DCLK2: variants seen among roughly 807,000 people sequenced by gnomAD.
DCLK2 encodes serine/threonine-protein kinase DCLK2.
In DCLK2, 31 loss-of-function variants were observed where a neutral mutation model predicts 78.4. The observed-to-expected ratio is 0.40, with a 90% CI of 0.30 to 0.53. DCLK2 has a LOEUF of 0.53. Ranked by LOEUF, DCLK2 falls within the 20% of genes least tolerant of loss-of-function variation. The probability of loss-of-function intolerance (pLI) is 0.61; values close to 1 mark genes in which losing one functional copy is unlikely to be tolerated. For missense variants in DCLK2, 872 were observed against 973.7 expected, an observed-to-expected ratio of 0.90 and a Z score of 1.39; for synonymous variants, 407 against 374.9, an observed-to-expected ratio of 1.09 and a Z score of -0.99.
At chr4:150,208,455 T>C (rs1054311227) in intron 5 of DCLK2, among the ~76,000 whole-genome samples, 4 of 152,074 alleles carry the variant, frequency 2.6e-5, no homozygotes, top group African/African-American at 9.7e-5. Flanking sequence ...GGAGTCTTGC[T>C]ATGTTGCCCA....
chr4:150,248,516 T>C (rs1429582189), intron 14 of DCLK2, 131 bp downstream of exon 14: 5 of 745,902 alleles, frequency 6.7e-6, no homozygotes, highest in Non-Finnish European at 1.1e-5. Context: ...TCTGTCCCAT[T>C]GAGCAAGTAG....
chr4:150,224,133 GA>G (rs1199465842), intron 7 of DCLK2, among the ~76,000 whole-genome samples: 3 of 152,072 alleles, frequency 2.0e-5, no homozygotes, highest in African/African-American at 7.2e-5. Context: ...ATTTATGAAA[GA>G]ATATTTAATT....
chr4:150,215,803 G>A (rs1740666296), intron 5 of DCLK2, among the ~76,000 whole-genome samples: 1 of 152,210 alleles, frequency 6.6e-6, no homozygotes, highest in South Asian at 2.1e-4. Context: ...TCTTTATAGA[G>A]CATTCCTGGC....
chr4:150,104,394 TAAAAAAA>T (rs34276664), intron 2 of DCLK2, among the ~76,000 whole-genome samples: 5 of 29,754 alleles, frequency 1.7e-4, no homozygotes, highest in African/African-American at 3.3e-4. Context: ...CCACATCTCC[TAAAAAAA>T]AAAAAAAAAA....
intron 8 of DCLK2, among the ~76,000 whole-genome samples, chr4:150,226,970 A>G (rs1741668052): frequency 1.3e-5 from 2 of 152,222 alleles, no homozygotes; most frequent in African/African-American, 4.8e-5. Context: ...TGAAAATAAT[A>G]TCTGCTATTT....
intron 10 of DCLK2, among the ~76,000 whole-genome samples, chr4:150,233,460 A>G (rs1742235106): frequency 6.6e-6 from 1 of 152,212 alleles, no homozygotes; most frequent in African/African-American, 2.4e-5. Flanking sequence ...TGAGCAGGAA[A>G]ATTATTTTAT....
intron 14 of DCLK2, 109 bp downstream of exon 14, chr4:150,248,494 G>A (rs1163817069): frequency 2.3e-6 from 2 of 876,906 alleles, no homozygotes; most frequent in African/African-American, 3.3e-5. Flanking sequence ...CAAGCTCCAT[G>A]GTAGATGTCT....
intron 3 of DCLK2, among the ~76,000 whole-genome samples, chr4:150,194,022 G>GACACACACACACACAC (rs58179559): frequency 5.5e-4 from 73 of 133,870 alleles, no homozygotes; most frequent in East Asian, 3.9e-3. Context: ...AAAGTGCTGG[G>GACACACACACACACAC]ACACACACAC....
At chr4:150,253,422 A>T in intron 15 of DCLK2, 1 of 1,289,532 alleles carries the variant, frequency 7.8e-7, no homozygotes, top group Non-Finnish European at 1.0e-6. Context: ...ATTGGTCCAT[A>T]AAGGTGAAAA....
At chr4:150,212,194 C>T (rs1740371909) in intron 5 of DCLK2, among the ~76,000 whole-genome samples, 1 of 152,132 alleles carries the variant, frequency 6.6e-6, no homozygotes, top group South Asian at 2.1e-4. Flanking sequence ...GAACATTATC[C>T]AACATCTTGA....
chr4:150,217,215 A>T (rs1285114595), intron 5 of DCLK2, among the ~76,000 whole-genome samples: 1 of 152,222 alleles, frequency 6.6e-6, no homozygotes, highest in Non-Finnish European at 1.5e-5. Context: ...AAAGGAAATG[A>T]TGAGAATTTT....
At chr4:150,244,909 A>C (rs1007897337) in intron 12 of DCLK2, among the ~76,000 whole-genome samples, 1 of 152,010 alleles carries the variant, frequency 6.6e-6, no homozygotes, top group Non-Finnish European at 1.5e-5. Flanking sequence ...CTTTTTAGCT[A>C]TTTATTAACA....
chr4:150,148,946 G>C (rs1470811048), intron 2 of DCLK2, among the ~76,000 whole-genome samples: 1 of 151,224 alleles, frequency 6.6e-6, no homozygotes, highest in Admixed American at 6.6e-5. Context: ...GATGAGATGG[G>C]AGGATAACTT....
chr4:150,147,801 A>G (rs1050608827), intron 2 of DCLK2, among the ~76,000 whole-genome samples: 7 of 152,228 alleles, frequency 4.6e-5, no homozygotes, highest in Non-Finnish European at 8.8e-5. Flanking sequence ...AACATTGCCA[A>G]TGCATTTTAG....
At chr4:150,107,197 C>T (rs186250983) in intron 2 of DCLK2, among the ~76,000 whole-genome samples, 13 of 152,004 alleles carry the variant, frequency 8.6e-5, no homozygotes, top group African/African-American at 3.1e-4. Context: ...AGTAAGTGAG[C>T]TGATTCAAAA....
intron 11 of DCLK2, 45 bp downstream of exon 11, chr4:150,239,920 A>T (rs1742784130): frequency 6.2e-7 from 1 of 1,604,704 alleles, no homozygotes; most frequent in African/African-American, 1.3e-5. Context: ...CTTTGATGAG[A>T]AAGGTCTGTT....
intron 12 of DCLK2, among the ~76,000 whole-genome samples, 179 bp downstream of exon 12, chr4:150,240,655 C>G (rs950984182): frequency 2.0e-5 from 3 of 148,896 alleles, no homozygotes; most frequent in African/African-American, 7.5e-5. Context: ...TGCTAGATGA[C>G]GAGTTAGTGG....
At chr4:150,141,160 T>G (rs1343270371) in intron 2 of DCLK2, among the ~76,000 whole-genome samples, 4 of 152,208 alleles carry the variant, frequency 2.6e-5, no homozygotes, top group Non-Finnish European at 5.9e-5. Flanking sequence ...TTCTTAACAC[T>G]AGGCAATATG....
intron 2 of DCLK2, among the ~76,000 whole-genome samples, chr4:150,147,459 A>AT (rs1734561997): frequency 6.7e-6 from 1 of 149,312 alleles, no homozygotes; most frequent in East Asian, 2.0e-4. Flanking sequence ...ATTTATTTCT[A>AT]TATCATTATT....
Sources: gnomAD v4.1 joint callset for allele counts (sites outside exome capture counted in the v4.1 genomes callset) on GRCh38, gnomAD v4.1.1 for gene constraint, MANE v1.5 for transcripts, NCBI Gene and HGNC (gene_info 2026-07-23, HGNC 2026-07-21) for gene names.